C11orf65: variants seen among roughly 807,000 people sequenced by gnomAD.
The protein encoded by C11orf65 is chromosome 11 open reading frame 65, also known as protein MFI.
C11orf65 carries 38 observed loss-of-function variants against 35.3 expected under a neutral mutation model. The observed-to-expected ratio is 1.08, with a 90% CI of 0.83 to 1.41. The LOEUF (loss-of-function observed/expected upper bound fraction) is 1.41. Among genes scored for constraint, C11orf65 ranks in the 40% most tolerant of loss-of-function variants. C11orf65 has a pLI of 0.00. For synonymous variants in C11orf65, 105 were observed against 114.4 expected (o/e 0.92, Z 0.53); for missense variants, 370 against 367.1 (o/e 1.01, Z -0.06).
intron 3 of C11orf65, among the ~76,000 whole-genome samples, chr11:108,412,234 A>G (rs2092670459): frequency 6.6e-6 from 1 of 152,140 alleles, no homozygotes; most frequent in Non-Finnish European, 1.5e-5. Flanking sequence ...GTCTATTTAC[A>G]TGTAAAACAT....
rs190905751 is a variant in C11orf65 at position 108,448,321 on chromosome 11, G to A, written c.81+13158C>T. On this transcript the variant is annotated intron_variant, in intron 2 of 8. Coordinates refer to ENST00000393084, the MANE Select transcript of C11orf65 (RefSeq NM_152587.5). ...TATCCTGATACGAAAGCCAGGCAGAGACACAACCGAAAAAGAGAATTTTAG... is the reference window on the plus strand; with the variant it reads ...TATCCTGATACGAAAGCCAGGCAGAAACACAACCGAAAAAGAGAATTTTAG... 7.2e-5 allele frequency among the ~76,000 whole-genome samples: 11 copies of A among 152,268 alleles called. No homozygotes were observed. In the East Asian group the frequency reaches 2.1e-3, roughly 29 times the overall value.
chr11:108,459,924 C>T (rs1290770297), intron 2 of C11orf65, among the ~76,000 whole-genome samples: 3 of 152,076 alleles, frequency 2.0e-5, no homozygotes, highest in South Asian at 2.1e-4. Context: ...GAAAAGCTTA[C>T]GCCTAGATGA....
downstream of C11orf65, among the ~76,000 whole-genome samples, chr11:108,326,995 T>G (rs1443107339): frequency 1.3e-5 from 2 of 151,960 alleles, no homozygotes; most frequent in Non-Finnish European, 2.9e-5. Flanking sequence ...CCAGCTAATT[T>G]TTTTGTATTT....
downstream of C11orf65, among the ~76,000 whole-genome samples, chr11:108,380,770 C>A (rs1433732259): frequency 6.6e-6 from 1 of 152,080 alleles, no homozygotes; most frequent in Admixed American, 6.5e-5. Context: ...TTATATCAGA[C>A]CCATTCTTGT....
intron 2 of C11orf65, chr11:108,365,029 T>C: frequency 6.3e-7 from 1 of 1,591,888 alleles, no homozygotes; most frequent in East Asian, 2.2e-5. Context: ...TGTTTCTAAG[T>C]ATGTGATTAA....
chr11:108,311,331 G>A (rs939987116), intron 6 of C11orf65, among the ~76,000 whole-genome samples: 3 of 152,048 alleles, frequency 2.0e-5, no homozygotes, highest in African/African-American at 2.4e-5. Context: ...TAGTTGATAA[G>A]GAAGTGGATC....
At chr11:108,393,459 T>C in intron 6 of C11orf65, 81 bp from the exon 7 acceptor site, 2 of 1,286,648 alleles carry the variant, frequency 1.6e-6, no homozygotes, top group Admixed American at 1.9e-5. Context: ...ATATTGTTGC[T>C]ATTTACATAT....
Position 108,326,175 on chromosome 11 carries a change from C to T in C11orf65, c.641-17104G>A, listed in dbSNP as rs763839047. 25 of 1,613,922 alleles carry T rather than the reference C, an allele frequency of 1.5e-5. No homozygotes were observed. Among genetic ancestry groups the T allele is most frequent in the Non-Finnish European group, 7.6e-6 (9 of 1,180,020 alleles). Reference sequence around the variant, plus strand: ...GGCAAAAAAGGAGCAGAGTCTTGCCCTGAGTATTCTCAAGCAAATGATCAA... The same window carrying T: ...GGCAAAAAAGGAGCAGAGTCTTGCCTTGAGTATTCTCAAGCAAATGATCAA... On this transcript the variant is annotated intron_variant, in intron 6 of 6. Coordinates refer to the C11orf65 transcript ENST00000525729.
intron 2 of C11orf65, chr11:108,347,208 T>G (rs2088526694): frequency 8.3e-7 from 1 of 1,200,316 alleles, no homozygotes; most frequent in Admixed American, 1.7e-5. Context: ...TGGTCTTAAT[T>G]GAAATTATGG....
intron 3 of C11orf65, among the ~76,000 whole-genome samples, chr11:108,421,953 A>G (rs2092823442): frequency 6.6e-6 from 1 of 151,808 alleles, no homozygotes; most frequent in Admixed American, 6.6e-5. Flanking sequence ...TTTTTTTGAG[A>G]CGAAGTCTCA....
chr11:108,325,408 TGG>T, intron 6 of C11orf65: 1 of 1,613,858 alleles, frequency 6.2e-7, no homozygotes, highest in Middle Eastern at 1.7e-4. Flanking sequence ...GAGCCTATCA[TGG>T]CTCTACGCAC....
chr11:108,390,246 G>T (rs900674794), intron 7 of C11orf65, among the ~76,000 whole-genome samples: 1 of 151,662 alleles, frequency 6.6e-6, no homozygotes, highest in Non-Finnish European at 1.5e-5. Flanking sequence ...GGATAGTCTC[G>T]ATCTCCCGAC....
chr11:108,336,603 AAAC>A (rs2086886686), intron 2 of C11orf65, among the ~76,000 whole-genome samples: 1 of 152,238 alleles, frequency 6.6e-6, no homozygotes, highest in Admixed American at 6.5e-5. Flanking sequence ...TTGCTGCTAC[AAAC>A]AACGCTGTAT....
At chr11:108,357,391 C>A (rs972693908) in intron 2 of C11orf65, among the ~76,000 whole-genome samples, 1 of 152,246 alleles carries the variant, frequency 6.6e-6, no homozygotes, top group African/African-American at 2.4e-5. Context: ...ATTGCCCAGG[C>A]TTGATTAGGT....
At chr11:108,423,855 G>A (rs2092858599) in intron 3 of C11orf65, among the ~76,000 whole-genome samples, 1 of 152,144 alleles carries the variant, frequency 6.6e-6, no homozygotes, top group Non-Finnish European at 1.5e-5. Flanking sequence ...GAAAGGAATA[G>A]CATCAACATC....
chr11:108,461,456 A>G (rs2093472320), intron 2 of C11orf65, 23 bp downstream of exon 2: 3 of 1,547,754 alleles, frequency 1.9e-6, no homozygotes, highest in Admixed American at 1.8e-5. Context: ...TTATATTTCA[A>G]TAAAACTTCT....
Position 108,369,643 on chromosome 11 carries a change from G to A in C11orf65, c.226+23565C>T, listed in dbSNP as rs11212595. On this transcript the variant is annotated intron_variant, in intron 2 of 3. Transcript: ENST00000524755. ...GATCTCATAATAGACATTATCCTCT[G>A]AAAAATCCCTTTGCCATTAAAAGTA... Among the ~76,000 whole-genome samples the A allele has an allele frequency of 6.0e-3, 910 of 152,218 alleles. 6 individuals carry two copies. Among genetic ancestry groups the A allele is most frequent in the East Asian group, 0.011 (55 of 5,184 alleles).
chr11:108,387,979 G>T (rs751616412), intron 7 of C11orf65, among the ~76,000 whole-genome samples: 11 of 152,220 alleles, frequency 7.2e-5, no homozygotes, highest in African/African-American at 2.7e-4. Flanking sequence ...GACAAGAGCA[G>T]GTGGTGTAAC....
At chr11:108,448,476 C>T (rs1350003200) in intron 2 of C11orf65, among the ~76,000 whole-genome samples, 2 of 152,156 alleles carry the variant, frequency 1.3e-5, no homozygotes, top group East Asian at 3.8e-4. Flanking sequence ...AAGGCTGCTT[C>T]AACATATGCA....
Sources: allele counts gnomAD v4.1 joint callset (sites outside exome capture counted in the v4.1 genomes callset), GRCh38; gene constraint gnomAD v4.1.1; transcripts MANE v1.5; gene names NCBI Gene and HGNC (gene_info 2026-07-23, HGNC 2026-07-21).